Variants in GNAO1 observed in about 807,000 individuals in gnomAD.
The protein encoded by GNAO1 is G protein subunit alpha o1.
For missense variants in GNAO1, 166 were observed against 478.7 expected (o/e 0.35, Z 6.10); for synonymous variants, 164 against 180.7 (o/e 0.91, Z 0.74).
intron 6 of GNAO1, chr16:56,343,680 C>T (rs1380169235): frequency 7.0e-6 from 8 of 1,135,956 alleles, no homozygotes; most frequent in Admixed American, 2.2e-5. Context: ...GCCGGATGGC[C>T]ACACAGGCCA....
intron 3 of GNAO1, among the ~76,000 whole-genome samples, chr16:56,313,622 C>T (rs1374632189): frequency 6.6e-6 from 1 of 152,180 alleles, no homozygotes; most frequent in African/African-American, 2.4e-5. Context: ...GAGTATTTTA[C>T]TAGCCTTTTC....
At chr16:56,209,573 C>G (rs139875614) in intron 2 of GNAO1, among the ~76,000 whole-genome samples, 39 of 152,286 alleles carry the variant, frequency 2.6e-4, no homozygotes, top group Non-Finnish European at 5.0e-4. Flanking sequence ...ATTGACATCT[C>G]TAAATCTTGA....
intron 3 of GNAO1, among the ~76,000 whole-genome samples, chr16:56,300,357 C>T (rs1476621712): frequency 6.6e-6 from 1 of 152,188 alleles, no homozygotes; most frequent in Non-Finnish European, 1.5e-5. Context: ...TGAGTGGCTT[C>T]TCTCAGTCAA....
intron 2 of GNAO1, among the ~76,000 whole-genome samples, chr16:56,208,733 G>A (rs978736168): frequency 2.0e-5 from 3 of 152,142 alleles, no homozygotes; most frequent in African/African-American, 7.2e-5. Context: ...TTGCTAAAGA[G>A]GTTGAACAGC....
At chr16:56,236,837 T>C (rs533020332) in intron 2 of GNAO1, among the ~76,000 whole-genome samples, 1 of 152,196 alleles carries the variant, frequency 6.6e-6, no homozygotes, top group African/African-American at 2.4e-5. Context: ...TTTCAGATTC[T>C]GAATACATTC....
At chr16:56,346,581 G>A (rs184448455) in intron 6 of GNAO1, 84 of 985,426 alleles carry the variant, frequency 8.5e-5, no homozygotes, top group Non-Finnish European at 9.5e-5. Context: ...GGCCTGAGGA[G>A]GGTGTGGGGT....
chr16:56,242,998 A>T (rs2895070), intron 2 of GNAO1, among the ~76,000 whole-genome samples: 2 of 151,728 alleles, frequency 1.3e-5, no homozygotes, highest in African/African-American at 2.4e-5. Context: ...AAGGAGCATT[A>T]GATTCTTATA....
rs762780496 is a variant in GNAO1, at chr16:56,327,768, TA to T, written c.304-861del. Among the ~76,000 whole-genome samples the T allele has an allele frequency of 2.0e-4, 31 of 151,930 alleles. 1 individual carries two copies. Among genetic ancestry groups the T allele is most frequent in the South Asian group, 2.1e-4 (1 of 4,806 alleles). On this transcript the variant is annotated intron_variant, in intron 3 of 8. Transcript: ENST00000262493. ...AGGCTCAGCCTACACGTGTGCACCT[TA>T]AGCAAATTCATCTACACCCACTCAG...
At chr16:56,322,918 C>G (rs4784652) in intron 3 of GNAO1, among the ~76,000 whole-genome samples, 14,666 of 152,196 alleles carry the variant, frequency 0.096, 925 homozygotes, top group South Asian at 0.18. Flanking sequence ...TGAGCACCAA[C>G]TCTCTACCAA....
At position 56,286,762 on chromosome 16, in the gene GNAO1, T is replaced by C. The variant is rs369663520; in HGVS notation, c.303+10690T>C. 3.9e-5 allele frequency among the ~76,000 whole-genome samples: 6 copies of C among 152,014 alleles called. No individual in the cohort carries two copies. The East Asian group carries it at 7.7e-4, about 20-fold the overall frequency. On this transcript the variant is annotated intron_variant, in intron 3 of 8. Transcript: ENST00000262493. ...GTGTATCTGTCTGTCTGTCTGTCTC[T>C]CTCTCTCATTGCCCCTCCTTGACCC... is the stretch of plus-strand genomic sequence containing the variant.
chr16:56,305,615 CA>C (rs1342955689), intron 3 of GNAO1, among the ~76,000 whole-genome samples: 1 of 152,154 alleles, frequency 6.6e-6, no homozygotes, highest in African/African-American at 2.4e-5. Flanking sequence ...CTTGACCCCA[CA>C]TGGCCTTGTA....
At chr16:56,201,079 G>A (rs894039500) in intron 2 of GNAO1, among the ~76,000 whole-genome samples, 2 of 152,196 alleles carry the variant, frequency 1.3e-5, no homozygotes, top group Admixed American at 6.5e-5. Flanking sequence ...CTCAGTCCTT[G>A]TCCTGAAGGA....
intron 3 of GNAO1, among the ~76,000 whole-genome samples, chr16:56,315,936 G>A (rs1162991084): frequency 6.6e-6 from 1 of 152,104 alleles, no homozygotes; most frequent in Non-Finnish European, 1.5e-5. Flanking sequence ...GCGGGCACCT[G>A]TAATCCCAGC....
chr16:56,331,694 A>G lies in GNAO1; in HGVS notation c.464+2903A>G, dbSNP rs548268843. ...CTGCTGTATCCCGTCCCCAAGCTCC[A>G]TCCCAGAAGCACCTCCTCTCAAGGC... is the stretch of plus-strand genomic sequence containing the variant. On this transcript the variant is annotated intron_variant, in intron 4 of 8. Coordinates refer to ENST00000262493, the MANE Select transcript of GNAO1 (RefSeq NM_020988.3). Among the ~76,000 whole-genome samples, 5 of 152,154 alleles carry G rather than the reference A, an allele frequency of 3.3e-5. No homozygotes were observed. The South Asian group carries it at 1.0e-3, about 32-fold the overall frequency.
At chr16:56,330,597 C>T (rs866607703) in intron 4 of GNAO1, among the ~76,000 whole-genome samples, 1 of 152,308 alleles carries the variant, frequency 6.6e-6, no homozygotes, top group Middle Eastern at 3.4e-3. Context: ...CAGTGGCATC[C>T]AGAAAAACTT....
rs571865585 is a variant in GNAO1, at chr16:56,229,966, T to C, written c.161+37350T>C. Reference sequence around the variant, plus strand: ...AGGGCATCGCCTGTAGCAGTCCACCTCAAGCCAGAGTTGTGTTTTTTTAAC... The same window carrying C: ...AGGGCATCGCCTGTAGCAGTCCACCCCAAGCCAGAGTTGTGTTTTTTTAAC... On this transcript the variant is annotated intron_variant, in intron 2 of 8. Transcript: ENST00000262493. Among the ~76,000 whole-genome samples the C allele has an allele frequency of 5.9e-5, 9 of 152,300 alleles. No individual in the cohort carries two copies. The South Asian group carries it at 1.9e-3, about 32-fold the overall frequency.
At chr16:56,334,926 TTGC>T in intron 5 of GNAO1, 69 bp downstream of exon 5, 1 of 1,549,530 alleles carries the variant, frequency 6.5e-7, no homozygotes, top group Non-Finnish European at 8.9e-7. Context: ...TCTCAGCGCA[TTGC>T]GTTTACAGCG....
intron 4 of GNAO1, among the ~76,000 whole-genome samples, chr16:56,332,239 G>A (rs111366702): frequency 1.1e-3 from 173 of 152,210 alleles, no homozygotes; most frequent in Non-Finnish European, 1.9e-3. Context: ...TGACCTCAAG[G>A]GCCTGCTTGC....
At chr16:56,347,876 GC>G in intron 6 of GNAO1, 1 of 976,680 alleles carries the variant, frequency 1.0e-6, no homozygotes, top group Non-Finnish European at 1.2e-6. Flanking sequence ...TCTCTACTCC[GC>G]TGGTTCTGAC....
Sources: allele counts gnomAD v4.1 joint callset (sites outside exome capture counted in the v4.1 genomes callset), GRCh38; gene constraint gnomAD v4.1.1; transcripts MANE v1.5; gene names NCBI Gene and HGNC (gene_info 2026-07-23, HGNC 2026-07-21).